The following PPP4R4 variants were observed in gnomAD, a reference collection of about 807,000 sequenced individuals.
PPP4R4 encodes the protein protein phosphatase 4 regulatory subunit 4, also known as serine/threonine-protein phosphatase 4 regulatory subunit 4.
PPP4R4 carries 70 observed loss-of-function variants against 121.8 expected under a neutral mutation model. The observed-to-expected ratio is 0.57, with a 90% confidence interval of 0.47 to 0.70. The LOEUF (loss-of-function observed/expected upper bound fraction) is 0.70, where lower values mean the gene tolerates loss of function less well. Ranked by LOEUF, PPP4R4 falls within the 30% of genes least tolerant of loss-of-function variation. PPP4R4 has a pLI of 0.00. For synonymous variants in PPP4R4, 348 were observed against 355.7 expected (o/e 0.98, Z 0.24); for missense variants, 875 against 1,033.6 (o/e 0.85, Z 2.10).
chr14:94,253,470 A>C (rs540450743), intron 16 of PPP4R4, among the ~76,000 whole-genome samples: 7 of 152,274 alleles, frequency 4.6e-5, no homozygotes, highest in South Asian at 4.1e-4. Flanking sequence ...AAAAAAAGGA[A>C]CCTTTGGTAA....
rs1889504035 is a variant in PPP4R4 at position 94,189,967 on chromosome 14, A to C, written c.191+13840A>C. 2.0e-5 allele frequency among the ~76,000 whole-genome samples: 3 copies of C among 152,150 alleles called. No individual in the cohort carries two copies. In the South Asian group the frequency reaches 6.2e-4, roughly 32 times the overall value. Reference sequence around the variant, plus strand: ...ACATGTCACTTTACCTATTTAGGTTAGTTAATTGGGTCTCTTCTCCTTCCT... The same window carrying C: ...ACATGTCACTTTACCTATTTAGGTTCGTTAATTGGGTCTCTTCTCCTTCCT... On this transcript the variant is annotated intron_variant, in intron 2 of 24. Transcript: ENST00000304338.
intron 5 of PPP4R4, among the ~76,000 whole-genome samples, chr14:94,232,125 T>C (rs1456821401): frequency 1.3e-5 from 2 of 152,174 alleles, no homozygotes; most frequent in Non-Finnish European, 2.9e-5. Flanking sequence ...ATTTTCAACA[T>C]TGAACAGCAT....
rs187794218 is a variant in PPP4R4, at chr14:94,263,671, T to C, written c.2128-1207T>C. ...GAAAGAGAACCGCAGATAATCCTGA[T>C]ACTGGAATTAGTAGACAAGGACTTC... is the stretch of plus-strand genomic sequence containing the variant. On this transcript the variant is annotated intron_variant, in intron 19 of 24. Transcript: ENST00000304338. Among the ~76,000 whole-genome samples the C allele has an allele frequency of 4.3e-3, 647 of 152,124 alleles. 4 individuals carry two copies. The highest frequency in any genetic ancestry group is 0.015 in the African/African-American group (608 of 41,560).
chr14:94,251,905 T>A lies in PPP4R4; in HGVS notation c.1865+9T>A. 6.4e-7 allele frequency: 1 copy of A among 1,560,938 alleles called. No homozygotes were observed. Among genetic ancestry groups the A allele is most frequent in the Non-Finnish European group, 8.7e-7 (1 of 1,151,884 alleles). On this transcript the variant is annotated intron_variant, in intron 16 of 24. Coordinates refer to ENST00000304338, the MANE Select transcript of PPP4R4 (RefSeq NM_058237.2). The stretch of plus-strand genomic sequence containing the variant: ...CCAGTAGCAAATGTGAGGTATGTTA[T>A]CAATGAAGGAAAATATTGGAAATTG...
At chr14:94,269,510 C>G (rs2139654734) in intron 23 of PPP4R4, among the ~76,000 whole-genome samples, 1 of 151,038 alleles carries the variant, frequency 6.6e-6, no homozygotes, top group Admixed American at 6.6e-5. Context: ...ACTGTCTCTA[C>G]TAAAAATAAA....
chr14:94,274,975 T>C (rs1894554806), intron 23 of PPP4R4, among the ~76,000 whole-genome samples: 1 of 152,220 alleles, frequency 6.6e-6, no homozygotes. Context: ...GAAGTATTGA[T>C]ACATAAAACA....
At chr14:94,235,394 T>C (rs1892284259) in intron 7 of PPP4R4, among the ~76,000 whole-genome samples, 1 of 121,006 alleles carries the variant, frequency 8.3e-6, no homozygotes. Context: ...TGTTCTTTTT[T>C]TTTTTTTTTT....
intron 11 of PPP4R4, among the ~76,000 whole-genome samples, chr14:94,243,556 A>G (rs971321419): frequency 6.6e-6 from 1 of 152,148 alleles, no homozygotes; most frequent in Non-Finnish European, 1.5e-5. Flanking sequence ...TTTAATATTT[A>G]ATTTTATTTA....
At chr14:94,230,452 A>T in intron 3 of PPP4R4, 135 bp from the exon 4 acceptor site, 1 of 738,250 alleles carries the variant, frequency 1.4e-6, no homozygotes, top group East Asian at 2.8e-5. Flanking sequence ...CTCTGAAATA[A>T]GTACATATCC....
At chr14:94,227,793 A>G (rs949841589) in intron 3 of PPP4R4, 5 of 987,504 alleles carry the variant, frequency 5.1e-6, no homozygotes, top group Non-Finnish European at 6.0e-6. Flanking sequence ...ATTGATTTTA[A>G]TATTTATTTG....
rs1595491019 is a variant in PPP4R4, at chr14:94,221,651, A to G, written c.295-8936A>G. On this transcript the variant is annotated intron_variant, in intron 3 of 24. Transcript: ENST00000304338. Reference sequence around the variant, plus strand: ...AAATCTCCAATACACTTGTTAAAATATCTGTACTAAAAATAACAAAAAACA... The same window carrying G: ...AAATCTCCAATACACTTGTTAAAATGTCTGTACTAAAAATAACAAAAAACA... Among the ~76,000 whole-genome samples, 3 of 152,236 alleles carry G rather than the reference A, an allele frequency of 2.0e-5. No homozygotes were observed. The South Asian group carries it at 6.2e-4, about 32-fold the overall frequency.
At chr14:94,202,975 C>A (rs908863975) in intron 2 of PPP4R4, among the ~76,000 whole-genome samples, 3 of 125,474 alleles carry the variant, frequency 2.4e-5, no homozygotes, top group Non-Finnish European at 5.4e-5. Flanking sequence ...GAGCCAGACT[C>A]CATCTCAAAA....
At chr14:94,213,583 G>A (rs1890856664) in intron 3 of PPP4R4, among the ~76,000 whole-genome samples, 2 of 152,106 alleles carry the variant, frequency 1.3e-5, no homozygotes, top group South Asian at 4.1e-4. Context: ...TTGGGGTGGT[G>A]GTCTAAATGC....
chr14:94,216,075 G>A (rs575250444), intron 3 of PPP4R4, among the ~76,000 whole-genome samples: 3 of 152,130 alleles, frequency 2.0e-5, no homozygotes, highest in African/African-American at 4.8e-5. Flanking sequence ...CAATAAAAAC[G>A]AACAGAAACT....
chr14:94,255,842 A>G (rs1011628938), intron 16 of PPP4R4, among the ~76,000 whole-genome samples: 2 of 152,154 alleles, frequency 1.3e-5, no homozygotes, highest in African/African-American at 4.8e-5. Context: ...GCTTCTTGTC[A>G]TACTCAAAAT....
intron 16 of PPP4R4, among the ~76,000 whole-genome samples, chr14:94,253,587 G>C (rs1338463741): frequency 2.0e-5 from 3 of 152,204 alleles, no homozygotes; most frequent in African/African-American, 7.2e-5. Context: ...GTGATGTATT[G>C]TCACTTATCA....
intron 2 of PPP4R4, among the ~76,000 whole-genome samples, chr14:94,190,082 A>G (rs538985384): frequency 6.9e-6 from 1 of 143,954 alleles, no homozygotes; most frequent in Non-Finnish European, 1.5e-5. Flanking sequence ...GTCTTGCTAT[A>G]TTGCCCAGCT....
chr14:94,217,593 A>G (rs1380258269), intron 3 of PPP4R4, among the ~76,000 whole-genome samples: 1 of 152,252 alleles, frequency 6.6e-6, no homozygotes, highest in Non-Finnish European at 1.5e-5. Context: ...TAGAGAATTT[A>G]AAGTAACTGT....
intron 5 of PPP4R4, among the ~76,000 whole-genome samples, chr14:94,231,725 A>G (rs904906000): frequency 6.6e-6 from 1 of 152,148 alleles, no homozygotes; most frequent in Admixed American, 6.5e-5. Flanking sequence ...TTACTATTGA[A>G]TAGGACATTA....
Sources: allele counts gnomAD v4.1 joint callset (sites outside exome capture counted in the v4.1 genomes callset), GRCh38; gene constraint gnomAD v4.1.1; transcripts MANE v1.5; gene names NCBI Gene and HGNC (gene_info 2026-07-23, HGNC 2026-07-21).